The following SLC8A3 variants were observed in gnomAD, a reference collection of about 807,000 sequenced individuals.
SLC8A3 encodes the protein solute carrier family 8 member A3.
Under a neutral mutation model 65.4 loss-of-function variants are expected in SLC8A3, and 37 were observed. That is an observed-to-expected ratio of 0.57 (90% confidence interval 0.44 to 0.74). The LOEUF (loss-of-function observed/expected upper bound fraction) is 0.74, where lower values mean the gene tolerates loss of function less well. Among genes scored for constraint, SLC8A3 ranks in the 30% least tolerant of loss-of-function variants. The pLI, the probability that SLC8A3 is intolerant of heterozygous loss-of-function variation, is 0.00. For missense variants in SLC8A3, 1,112 were observed against 1,172.1 expected, an observed-to-expected ratio of 0.95 and a Z score of 0.75; for synonymous variants, 461 against 444.5, an observed-to-expected ratio of 1.04 and a Z score of -0.47.
chr14:70,161,026 C>T (rs1896852948), intron 2 of SLC8A3, among the ~76,000 whole-genome samples: 2 of 149,634 alleles, frequency 1.3e-5, no homozygotes, highest in African/African-American at 4.9e-5. Flanking sequence ...TGGTGGATCA[C>T]GAGGTCAGGA....
At position 70,166,937 on chromosome 14, in the gene SLC8A3, C is replaced by T; in HGVS notation, c.1486G>A (p.Glu496Lys). Residue 496 changes from glutamate to lysine, a missense_variant, in exon 2 of 7, where the codon GAG becomes AAG. Physicochemically the swap from Glu to Lys is moderately conservative, Grantham distance 56 (BLOSUM62 1). Coordinates refer to ENST00000356921, the MANE Select transcript of SLC8A3 (RefSeq NM_182932.3). ...NVRIEEEQPE[E>K]GMPPAIFNSL... ...TTGAATATTGCTGGAGGCATCCCCTCCTCTGGCTGCTCCTCCTCTATGCGG... is the reference window on the plus strand; with the variant it reads ...TTGAATATTGCTGGAGGCATCCCCTTCTCTGGCTGCTCCTCCTCTATGCGG... 6 of 1,614,218 alleles carry T rather than the reference C, an allele frequency of 3.7e-6. No individual in the cohort carries two copies. The highest frequency in any genetic ancestry group is 5.1e-6 in the Non-Finnish European group (6 of 1,180,036).
intron 2 of SLC8A3, among the ~76,000 whole-genome samples, chr14:70,155,806 A>G (rs775310647): frequency 2.0e-5 from 3 of 152,246 alleles, no homozygotes; most frequent in Non-Finnish European, 4.4e-5. Flanking sequence ...ATGAGTGCCC[A>G]ATAATTTCAA....
Position 70,048,899 on chromosome 14 carries a change from C to T in SLC8A3, c.2257G>A (p.Ala753Thr), listed in dbSNP as rs780117754. 5.0e-6 allele frequency: 8 copies of T among 1,614,116 alleles called. No individual in the cohort carries two copies. The highest frequency in any genetic ancestry group is 2.2e-5 in the East Asian group (1 of 44,886). The stretch of plus-strand genomic sequence containing the variant: ...ATGCCAATGATGAGGATGGAGACGG[C>T]GAAGCAGGCCCAGCCGTGGCAGTAC... ...TEYCHGWACF[A>T]VSILIIGMLT... is the part of the protein sequence containing the mutation. Residue 753 changes from alanine (A) to threonine (T), a missense_variant, in exon 6 of 7, where the codon GCC (alanine) becomes ACC (threonine). Ala to Thr is a moderately conservative substitution (Grantham distance 58). Transcript: ENST00000356921.
At chr14:70,173,909 C>A (rs184162381) in intron 1 of SLC8A3, among the ~76,000 whole-genome samples, 15 of 152,346 alleles carry the variant, frequency 9.8e-5, no homozygotes, top group Admixed American at 5.2e-4. Flanking sequence ...TTGATTGCCA[C>A]AACTGGAACT....
chr14:70,094,313 T>C (rs756682246), intron 2 of SLC8A3, among the ~76,000 whole-genome samples: 4 of 152,202 alleles, frequency 2.6e-5, no homozygotes, highest in Non-Finnish European at 5.9e-5. Context: ...ATGTGGATAA[T>C]AAAGCTTGCA....
In SLC8A3 at chr14:70,095,789, G is replaced by C. The variant is rs1423260327; in HGVS notation, c.1785-34850C>G. On this transcript the variant is annotated intron_variant, in intron 2 of 6. Coordinates refer to ENST00000356921, the MANE Select transcript of SLC8A3 (RefSeq NM_182932.3). Reference sequence around the variant, plus strand: ...GAAACCGTTTGGTTCCAGGGGAAAAGACAGGAAGGTACTGGCAACTTCCCA... The same window carrying C: ...GAAACCGTTTGGTTCCAGGGGAAAACACAGGAAGGTACTGGCAACTTCCCA... Among the ~76,000 whole-genome samples, 4 of 152,318 alleles carry C rather than the reference G, an allele frequency of 2.6e-5. No homozygotes were observed. The East Asian group carries it at 7.7e-4, about 29-fold the overall frequency.
At chr14:70,052,309 A>C (rs999476004) in intron 3 of SLC8A3, among the ~76,000 whole-genome samples, 195 bp from the exon 4 acceptor site, 1 of 152,208 alleles carries the variant, frequency 6.6e-6, no homozygotes. Context: ...TGCCTTGCAG[A>C]CTGGGATAAG....
chr14:70,125,032 CA>C (rs1331281394), intron 2 of SLC8A3, among the ~76,000 whole-genome samples: 1 of 152,202 alleles, frequency 6.6e-6, no homozygotes, highest in African/African-American at 2.4e-5. Flanking sequence ...TAACATAACA[CA>C]GTGCCTTGCA....
rs1888647620 is a variant in SLC8A3, at chr14:70,060,374, C to A, written c.1888+462G>T. 10 of 283,550 alleles carry A rather than the reference C, an allele frequency of 3.5e-5. No individual in the cohort carries two copies. The South Asian group carries it at 3.5e-4, about 10-fold the overall frequency. The allele number at this position is 283,550 out of a possible 1,614,324, so 17.6% of individuals were successfully genotyped here. On this transcript the variant is annotated intron_variant, in intron 3 of 6. Transcript: ENST00000356921. ...AGTGAGGGGTGGCAGGGGAGGAAGG[C>A]AGGAAGGGGCACAGGCATGCATCGC...
chr14:70,114,959 G>A (rs2140157817), intron 2 of SLC8A3, among the ~76,000 whole-genome samples: 1 of 152,274 alleles, frequency 6.6e-6, no homozygotes, highest in South Asian at 2.1e-4. Flanking sequence ...GCAGAGCCAG[G>A]TGGGGCTGAC....
chr14:70,105,748 T>C (rs1227823976), intron 2 of SLC8A3, among the ~76,000 whole-genome samples: 2 of 152,298 alleles, frequency 1.3e-5, no homozygotes, highest in South Asian at 2.1e-4. Context: ...GAAGCTTACC[T>C]GACCTTGCTT....
intron 6 of SLC8A3, chr14:70,047,185 T>G (rs931720705): frequency 6.6e-6 from 1 of 152,194 alleles, no homozygotes; most frequent in Non-Finnish European, 1.5e-5. Flanking sequence ...TGTTAGCTGT[T>G]GTCTTGGCCA....
At chr14:70,122,415 G>A (rs554270418) in intron 2 of SLC8A3, among the ~76,000 whole-genome samples, 31 of 152,142 alleles carry the variant, frequency 2.0e-4, no homozygotes, top group Non-Finnish European at 4.0e-4. Context: ...CTGGTTCAAG[G>A]ACAATGGGGA....
At chr14:70,096,128 T>A (rs1408811250) in intron 2 of SLC8A3, among the ~76,000 whole-genome samples, 1 of 152,194 alleles carries the variant, frequency 6.6e-6, no homozygotes, top group Non-Finnish European at 1.5e-5. Context: ...GTGATCCACC[T>A]GCTTTGGGCT....
chr14:70,079,256 G>T (rs1342333875), intron 2 of SLC8A3, among the ~76,000 whole-genome samples: 2 of 151,090 alleles, frequency 1.3e-5, no homozygotes, highest in Non-Finnish European at 2.9e-5. Flanking sequence ...TGTGGAGGTG[G>T]GTGGATCACT....
At chr14:70,081,677 G>T (rs1416896084) in intron 2 of SLC8A3, among the ~76,000 whole-genome samples, 1 of 152,204 alleles carries the variant, frequency 6.6e-6, no homozygotes, top group Non-Finnish European at 1.5e-5. Context: ...GGAGGGCAGG[G>T]AAGAAGGGTA....
In SLC8A3 at chr14:70,048,799, A is replaced by G. The variant is rs756590887; in HGVS notation, c.2357T>C (p.Val786Ala). 3 of 1,614,106 alleles carry G rather than the reference A, an allele frequency of 1.9e-6. No individual in the cohort carries two copies. Among genetic ancestry groups the G allele is most frequent in the East Asian group, 2.2e-5 (1 of 44,880 alleles). The change falls in exon 6 of 7, where the codon GTT becomes GCT. Residue 786 changes from valine to alanine, a missense_variant. Physicochemically the swap from Val to Ala is moderately conservative, Grantham distance 64. Transcript: ENST00000356921. ...TIGLKDSVTA[V>A]VFVAFGTSVP... ...AGAGGTGCCAAATGCCACGAAAACAACAGCTGTGACTGAATCTTTGAGACC... is the reference window on the plus strand; with the variant it reads ...AGAGGTGCCAAATGCCACGAAAACAGCAGCTGTGACTGAATCTTTGAGACC...
chr14:70,140,472 C>G (rs552424787), intron 2 of SLC8A3, among the ~76,000 whole-genome samples: 3 of 152,200 alleles, frequency 2.0e-5, no homozygotes, highest in Non-Finnish European at 4.4e-5. Context: ...TCTCCCCTTC[C>G]TCTCTGCATT....
Position 70,098,948 on chromosome 14 carries a change from C to T in SLC8A3, c.1785-38009G>A, listed in dbSNP as rs72729890. ...CCTTTGAGGAGGCATTTCCTTGCAG[C>T]CCACGGTTCTCCGGGCTGCTAGAGG... On this transcript the variant is annotated intron_variant, in intron 2 of 6. Transcript: ENST00000356921. Among the ~76,000 whole-genome samples the T allele has an allele frequency of 7.0e-3, 1,059 of 152,274 alleles. 12 individuals are homozygous for T. The highest frequency in any genetic ancestry group is 8.3e-3 in the Non-Finnish European group (563 of 68,024).
Sources: allele counts gnomAD v4.1 joint callset (sites outside exome capture counted in the v4.1 genomes callset), GRCh38; gene constraint gnomAD v4.1.1; transcripts MANE v1.5; gene names NCBI Gene and HGNC (gene_info 2026-07-23, HGNC 2026-07-21).